The following SUGCT variants were observed in gnomAD, a reference collection of about 807,000 sequenced individuals.
SUGCT encodes succinyl-CoA:glutarate-CoA transferase.
In SUGCT, 41 loss-of-function variants were observed where a neutral mutation model predicts 55.0. That is an observed-to-expected ratio of 0.74 (90% CI 0.58 to 0.97). The LOEUF (loss-of-function observed/expected upper bound fraction) is 0.97, where lower values mean the gene tolerates loss of function less well. Ranked by LOEUF, SUGCT falls within the 50% of genes least tolerant of loss-of-function variation. SUGCT has a pLI of 0.00. For synonymous variants in SUGCT, 187 were observed against 200.4 expected (o/e 0.93, Z 0.56); for missense variants, 568 against 547.8 (o/e 1.04, Z -0.37).
At chr7:40,650,328 G>A (rs77761113) in intron 12 of SUGCT, among the ~76,000 whole-genome samples, 4,272 of 152,180 alleles carry the variant, frequency 0.028, 173 homozygotes, top group African/African-American at 0.099. Flanking sequence ...TGCTCAAAGG[G>A]GGGGATTACA....
intron 9 of SUGCT, among the ~76,000 whole-genome samples, chr7:40,383,514 CTTGATGTGAAAGA>C (rs1004083647): frequency 6.6e-6 from 1 of 152,134 alleles, no homozygotes; most frequent in African/African-American, 2.4e-5. Context: ...GACTGTGCTA[CTTGATGTGAAAGA>C]TGAGGAGGTA....
At chr7:40,587,890 C>T (rs1040497359) in intron 12 of SUGCT, among the ~76,000 whole-genome samples, 1 of 149,456 alleles carries the variant, frequency 6.7e-6, no homozygotes, top group Non-Finnish European at 1.5e-5. Context: ...ATTTCTTTTT[C>T]TTCTTTCTTT....
At chr7:40,248,292 T>C (rs953363003) in intron 7 of SUGCT, among the ~76,000 whole-genome samples, 1 of 152,224 alleles carries the variant, frequency 6.6e-6, no homozygotes, top group Non-Finnish European at 1.5e-5. Flanking sequence ...ATTACAGGCA[T>C]GAGCCACCAC....
At chr7:40,571,757 C>T (rs948741557) in intron 12 of SUGCT, among the ~76,000 whole-genome samples, 7 of 152,292 alleles carry the variant, frequency 4.6e-5, no homozygotes, top group Middle Eastern at 3.4e-3. Flanking sequence ...TTTTATCAGG[C>T]ACCAGTTGCT....
intron 12 of SUGCT, among the ~76,000 whole-genome samples, chr7:40,528,891 G>A (rs1793940465): frequency 6.6e-6 from 1 of 152,152 alleles, no homozygotes; most frequent in African/African-American, 2.4e-5. Context: ...GTAGCAAGAT[G>A]GCAGTCTTCA....
At chr7:40,704,944 C>T (rs911397435) in intron 12 of SUGCT, among the ~76,000 whole-genome samples, 3 of 152,188 alleles carry the variant, frequency 2.0e-5, no homozygotes, top group African/African-American at 7.2e-5. Flanking sequence ...ACACTTTCAA[C>T]CACTATGTAA....
intron 10 of SUGCT, among the ~76,000 whole-genome samples, chr7:40,452,951 C>T (rs1182427996): frequency 6.6e-6 from 1 of 152,126 alleles, no homozygotes; most frequent in Non-Finnish European, 1.5e-5. Context: ...TTTGAAGTAC[C>T]TCTAACTGGC....
chr7:40,229,106 G>A (rs1306370401), intron 6 of SUGCT, among the ~76,000 whole-genome samples: 2 of 152,176 alleles, frequency 1.3e-5, no homozygotes, highest in East Asian at 3.8e-4. Context: ...AGGACTGTTA[G>A]TTCCTCTTAG....
intron 13 of SUGCT, among the ~76,000 whole-genome samples, chr7:40,812,414 T>C (rs895762343): frequency 2.0e-5 from 3 of 152,302 alleles, no homozygotes; most frequent in East Asian, 3.9e-4. Context: ...GATATTGGTC[T>C]GTTTGGGGTT....
At chr7:40,285,981 TA>T (rs1362085272) in intron 8 of SUGCT, among the ~76,000 whole-genome samples, 11 of 152,226 alleles carry the variant, frequency 7.2e-5, no homozygotes, top group African/African-American at 2.7e-4. Flanking sequence ...TTCCATATGC[TA>T]AATATATTTT....
At chr7:40,204,538 G>A (rs992339196) in intron 6 of SUGCT, among the ~76,000 whole-genome samples, 7 of 151,982 alleles carry the variant, frequency 4.6e-5, no homozygotes, top group African/African-American at 1.4e-4. Context: ...TCCTGGCCTC[G>A]TGATCTGCCC....
At chr7:40,195,456 C>T (rs1024799748) in intron 6 of SUGCT, among the ~76,000 whole-genome samples, 3 of 151,812 alleles carry the variant, frequency 2.0e-5, no homozygotes, top group Non-Finnish European at 2.9e-5. Flanking sequence ...CTCCTGACCT[C>T]GTGATCTGCT....
intron 6 of SUGCT, chr7:40,217,590 C>A (rs1787748373): frequency 3.5e-6 from 1 of 284,102 alleles, no homozygotes; most frequent in Admixed American, 4.7e-5. Context: ...GCATGTTGTG[C>A]CTTTCTCCCC....
At chr7:40,915,929 T>C in the SUGCT span, among the ~76,000 whole-genome samples, 3 of 152,204 alleles carry the variant, frequency 2.0e-5, no homozygotes, top group Non-Finnish European at 4.4e-5. Context: ...TTGTGAGAAC[T>C]GCACATCACC....
intron 12 of SUGCT, among the ~76,000 whole-genome samples, chr7:40,740,471 C>G (rs1053007830): frequency 6.6e-6 from 1 of 150,868 alleles, no homozygotes; most frequent in African/African-American, 2.4e-5. Flanking sequence ...GTGTCTAGAA[C>G]TTCTAGTAAT....
chr7:40,830,051 C>T (rs1458835558), intron 13 of SUGCT, among the ~76,000 whole-genome samples: 1 of 152,190 alleles, frequency 6.6e-6, no homozygotes, highest in African/African-American at 2.4e-5. Flanking sequence ...CCACATTCCA[C>T]CACCACGTCA....
intron 6 of SUGCT, among the ~76,000 whole-genome samples, chr7:40,233,645 C>T (rs1416202752): frequency 1.6e-4 from 24 of 152,068 alleles, no homozygotes; most frequent in Admixed American, 1.5e-3. Flanking sequence ...TTTGACATAC[C>T]TCAGGGTAGT....
intron 7 of SUGCT, among the ~76,000 whole-genome samples, chr7:40,255,578 T>C (rs1047758658): frequency 1.4e-5 from 2 of 146,096 alleles, no homozygotes; most frequent in African/African-American, 5.1e-5. Context: ...GTAGAATTGC[T>C]TGAACCCGGG....
At chr7:40,367,668 A>C (rs1345769289) in intron 9 of SUGCT, among the ~76,000 whole-genome samples, 1 of 152,174 alleles carries the variant, frequency 6.6e-6, no homozygotes, top group Non-Finnish European at 1.5e-5. Context: ...TATTTAACTA[A>C]GGCAAACACA....
Sources: gnomAD v4.1 joint callset for allele counts (sites outside exome capture counted in the v4.1 genomes callset) on GRCh38, gnomAD v4.1.1 for gene constraint, MANE v1.5 for transcripts, NCBI Gene and HGNC (gene_info 2026-07-23, HGNC 2026-07-21) for gene names.